AKAP9: variants seen among roughly 807,000 people sequenced by gnomAD.
AKAP9 encodes the protein A-kinase anchoring protein 9, also known as A-kinase anchor protein 9.
In AKAP9, 311 loss-of-function variants were observed where a neutral mutation model predicts 488.5. The ratio of observed to expected loss-of-function variants is 0.64; its 90% CI spans 0.58 to 0.70. AKAP9 has a LOEUF of 0.70. Ranked by LOEUF, AKAP9 falls within the 30% of genes least tolerant of loss-of-function variation. The probability of loss-of-function intolerance (pLI) is 0.00; values close to 1 mark genes in which losing one functional copy is unlikely to be tolerated. For synonymous variants in AKAP9, 1,462 were observed against 1,483.5 expected, an observed-to-expected ratio of 0.99 and a Z score of 0.33; for missense variants, 4,215 against 4,374.5, an observed-to-expected ratio of 0.96 and a Z score of 1.03.
At chr7:92,058,419 G>C in intron 22 of AKAP9, 1 of 499,896 alleles carries the variant, frequency 2.0e-6, no homozygotes. Flanking sequence ...TATTCAGTAA[G>C]TATAAAAAAT....
intron 37 of AKAP9, among the ~76,000 whole-genome samples, chr7:92,086,864 C>G (rs1331025652): frequency 1.3e-5 from 2 of 152,130 alleles, no homozygotes; most frequent in Non-Finnish European, 2.9e-5. Context: ...GATTGATTAA[C>G]CTTGAACACC....
chr7:92,003,809 T>G (rs1799470782), intron 8 of AKAP9, among the ~76,000 whole-genome samples: 1 of 152,154 alleles, frequency 6.6e-6, no homozygotes, highest in Non-Finnish European at 1.5e-5. Flanking sequence ...GTTAAAGAAT[T>G]ATATGTATAT....
Position 91,940,923 on chromosome 7 carries a change from G to C in AKAP9, c.-177G>C. On this transcript the variant is annotated 5_prime_UTR_variant, in exon 1 of 50. Coordinates refer to ENST00000356239, the MANE Select transcript of AKAP9 (RefSeq NM_005751.5). The stretch of plus-strand genomic sequence containing the variant: ...CGGTGACGGCGCTTCCCGTGCGGCT[G>C]AGGACGATCCGCCAGTGAGCGCGGA... The C allele has an allele frequency of 1.4e-6, 1 of 714,270 alleles. No homozygotes were observed. The highest frequency in any genetic ancestry group is 2.5e-6 in the Non-Finnish European group (1 of 401,322). The allele number at this position is 714,270 out of a possible 1,614,324, so 44.2% of individuals were successfully genotyped here.
At chr7:92,014,454 C>T (rs1801223947) in intron 10 of AKAP9, 126 bp downstream of exon 10, 1 of 693,152 alleles carries the variant, frequency 1.4e-6, no homozygotes, top group African/African-American at 1.8e-5. Flanking sequence ...GTGGTGAAAC[C>T]CCGTCTCTAC....
chr7:92,083,486 A>G lies in AKAP9; in HGVS notation c.8477A>G (p.Glu2826Gly), dbSNP rs1413683928. The G allele has an allele frequency of 6.2e-7, 1 of 1,612,220 alleles. No individual in the cohort carries two copies. Among genetic ancestry groups the G allele is most frequent in the East Asian group, 2.2e-5 (1 of 44,848 alleles). ...EVTEIISQFT[E>G]KIEKMQELHA... ...ACTGAAATAATCAGTCAGTTTACTG[A>G]AAAAATTGAGAAGATGCAAGAACTA... is the stretch of plus-strand genomic sequence containing the variant. Residue 2826 changes from glutamate (E) to glycine (G), a missense_variant, in exon 33 of 50, where the codon GAA becomes GGA. Around this residue, in one of 5 missense-constraint regions of AKAP9, gnomAD observed 1,476 missense variants for 1,477.4 expected, o/e 1.00. Transcript: ENST00000356239.
At chr7:91,993,165 T>C (rs922060841) in intron 5 of AKAP9, 110 bp downstream of exon 5, 7 of 1,078,672 alleles carry the variant, frequency 6.5e-6, no homozygotes, top group Non-Finnish European at 8.0e-6. Flanking sequence ...TTTTTAACTT[T>C]TTTCTTTTCT....
chr7:92,070,823 AAAG>A, intron 27 of AKAP9, 79 bp from the exon 28 acceptor site: 2 of 919,852 alleles, frequency 2.2e-6, no homozygotes, highest in South Asian at 1.5e-5. Context: ...AAAAAAAAAA[AAAG>A]CAGACCAAAA....
chr7:92,040,525 T>C, intron 17 of AKAP9, 149 bp from the exon 18 acceptor site: 3 of 616,410 alleles, frequency 4.9e-6, no homozygotes, highest in Non-Finnish European at 5.5e-6. Flanking sequence ...ATTTTAAAAA[T>C]TATGTTTTTG....
At chr7:92,080,792 G>A (rs1033823937) in intron 31 of AKAP9, among the ~76,000 whole-genome samples, 3 of 152,180 alleles carry the variant, frequency 2.0e-5, no homozygotes, top group African/African-American at 7.2e-5. Context: ...ATTAGTTACA[G>A]TTAGGTGTTT....
intron 15 of AKAP9, among the ~76,000 whole-genome samples, chr7:92,030,506 G>T (rs1358894682): frequency 6.6e-6 from 1 of 152,148 alleles, no homozygotes; most frequent in Non-Finnish European, 1.5e-5. Flanking sequence ...GCTGAGCGTG[G>T]TGGCACTCGC....
At chr7:91,962,025 T>G (rs2130515755) in intron 1 of AKAP9, among the ~76,000 whole-genome samples, 1 of 152,336 alleles carries the variant, frequency 6.6e-6, no homozygotes, top group African/African-American at 2.4e-5. Context: ...TATGTTAACA[T>G]TTTTATAATT....
Position 92,061,296 on chromosome 7 carries a change from C to G in AKAP9, c.5638C>G (p.Arg1880Gly), listed in dbSNP as rs761946454. Residue 1880 changes from arginine to glycine, a missense_variant, in exon 23 of 50, where the codon CGT (arginine) becomes GGT (glycine). Coordinates refer to ENST00000356239, the MANE Select transcript of AKAP9 (RefSeq NM_005751.5). ...GAAAGTGACACAGACAGAGTTGATGCGTGAGTCATTTAGACAGAAACAAGA... is the reference window on the plus strand; with the variant it reads ...GAAAGTGACACAGACAGAGTTGATGGGTGAGTCATTTAGACAGAAACAAGA... ...HAKVTQTELM[R>G]ESFRQKQEAT... is the part of the protein sequence containing the mutation. The G allele has an allele frequency of 6.2e-7, 1 of 1,612,532 alleles. No homozygotes were observed. The highest frequency in any genetic ancestry group is 1.7e-5 in the Admixed American group (1 of 59,886).
chr7:91,980,236 GA>G, intron 2 of AKAP9, 52 bp from the exon 3 acceptor site: 1 of 1,110,880 alleles, frequency 9.0e-7, no homozygotes, highest in Non-Finnish European at 1.4e-6. Flanking sequence ...AGTAAAGTAT[GA>G]TATTTAGCAC....
intron 1 of AKAP9, among the ~76,000 whole-genome samples, chr7:91,949,928 A>C (rs1483069804): frequency 6.6e-6 from 1 of 152,070 alleles, no homozygotes; most frequent in African/African-American, 2.4e-5. Context: ...TGTGGTGTGA[A>C]AGTTTCTCTG....
At chr7:92,017,431 A>G (rs1230206460) in intron 12 of AKAP9, among the ~76,000 whole-genome samples, 5 of 152,128 alleles carry the variant, frequency 3.3e-5, no homozygotes, top group African/African-American at 1.2e-4. Context: ...GAAAACTGGT[A>G]ATGAGTTTAG....
intron 46 of AKAP9, among the ~76,000 whole-genome samples, chr7:92,105,109 G>T (rs1055901617): frequency 1.3e-5 from 2 of 152,188 alleles, no homozygotes; most frequent in Admixed American, 1.3e-4. Context: ...ATCAAAACTG[G>T]TGCTCCAAAA....
chr7:91,944,454 T>A (rs1005636806), intron 1 of AKAP9, among the ~76,000 whole-genome samples: 3 of 151,990 alleles, frequency 2.0e-5, no homozygotes, highest in African/African-American at 7.3e-5. Flanking sequence ...TGGCAGGATC[T>A]TGGCTCACTG....
intron 17 of AKAP9, among the ~76,000 whole-genome samples, chr7:92,039,905 A>C (rs1005163983): frequency 6.6e-6 from 1 of 152,114 alleles, no homozygotes; most frequent in African/African-American, 2.4e-5. Context: ...AACTGGGGAG[A>C]TGAAGGTTGC....
chr7:92,038,752 A>G lies in AKAP9; in HGVS notation c.4672A>G (p.Thr1558Ala), dbSNP rs746815931. The change falls in exon 17 of 50, where the codon ACA (threonine) becomes GCA (alanine). Residue 1558 changes from threonine (T) to alanine (A), a missense_variant. By Grantham distance (58) the Thr-to-Ala change is moderately conservative. Around this residue, in one of 5 missense-constraint regions of AKAP9, gnomAD observed 2,361 missense variants for 2,430.0 expected, o/e 0.97. Transcript: ENST00000356239. ...AGAAGAAATGTTCTCCAAAGATAAA[A>G]CATTTATAGTTAGACAGTCTGTAAG... ...ISEEMFSKDK[T>A]FIVRQSIHDE... 2.5e-6 allele frequency: 4 copies of G among 1,604,922 alleles called. No individual in the cohort carries two copies. Among genetic ancestry groups the G allele is most frequent in the Non-Finnish European group, 3.4e-6 (4 of 1,176,398 alleles).
Sources: allele counts gnomAD v4.1 joint callset (sites outside exome capture counted in the v4.1 genomes callset), GRCh38; gene constraint gnomAD v4.1.1; regional missense constraint gnomAD v4.1.1; transcripts MANE v1.5; gene names NCBI Gene and HGNC (gene_info 2026-07-23, HGNC 2026-07-21).